Variants in ST7 observed in about 807,000 individuals in gnomAD.
ST7 encodes the protein suppression of tumorigenicity 7.
Under a neutral mutation model 78.7 loss-of-function variants are expected in ST7, and 28 were observed. The observed-to-expected ratio is 0.36, with a 90% CI of 0.26 to 0.49. The LOEUF (loss-of-function observed/expected upper bound fraction) is 0.49, where lower values mean the gene tolerates loss of function less well. Among genes scored for constraint, ST7 ranks in the 20% least tolerant of loss-of-function variants. ST7 has a pLI of 0.99. For synonymous variants in ST7, 247 were observed against 249.6 expected, an observed-to-expected ratio of 0.99 and a Z score of 0.10; for missense variants, 418 against 696.0, an observed-to-expected ratio of 0.60 and a Z score of 4.49.
chr7:117,181,268 C>T (rs905634262), intron 10 of ST7, among the ~76,000 whole-genome samples: 8 of 152,096 alleles, frequency 5.3e-5, no homozygotes, highest in Non-Finnish European at 1.2e-4. Flanking sequence ...CCAGAGGAAG[C>T]TAAAGTCTCC....
At chr7:117,131,325 T>C (rs772390401) in intron 5 of ST7, among the ~76,000 whole-genome samples, 4 of 151,858 alleles carry the variant, frequency 2.6e-5, no homozygotes, top group Non-Finnish European at 4.4e-5. Context: ...AATATTCCCA[T>C]TGAGCTTCCC....
At chr7:117,060,556 A>C (rs1798297131) in intron 1 of ST7, among the ~76,000 whole-genome samples, 1 of 152,254 alleles carries the variant, frequency 6.6e-6, no homozygotes, top group Admixed American at 6.5e-5. Flanking sequence ...GTGTGATTTC[A>C]AGGATAATAA....
chr7:116,998,305 G>A (rs764499565), intron 1 of ST7, among the ~76,000 whole-genome samples: 56 of 152,084 alleles, frequency 3.7e-4, no homozygotes, highest in Non-Finnish European at 7.2e-4. Context: ...GGGGCCCGCC[G>A]AGCCCACACC....
At chr7:117,097,908 A>ATATATATATATATTTTTTTTT in intron 1 of ST7, among the ~76,000 whole-genome samples, 1 of 30,012 alleles carries the variant, frequency 3.3e-5, no homozygotes, top group Non-Finnish European at 5.4e-5. Flanking sequence ...ATATATATAT[A>ATATATATATATATTTTTTTTT]TTTTTTTTTT....
intron 9 of ST7, among the ~76,000 whole-genome samples, chr7:117,141,042 G>A (rs931449106): frequency 6.6e-5 from 10 of 152,134 alleles, no homozygotes; most frequent in Admixed American, 2.6e-4. Flanking sequence ...AGATAACTGC[G>A]ACTTCCCTGA....
At chr7:117,104,080 C>T (rs1439337600) in intron 2 of ST7, among the ~76,000 whole-genome samples, 1 of 152,116 alleles carries the variant, frequency 6.6e-6, no homozygotes, top group Non-Finnish European at 1.5e-5. Context: ...AAGTGATTCT[C>T]CTGCCTCGGC....
At chr7:117,055,823 C>G (rs1798034590) in intron 1 of ST7, among the ~76,000 whole-genome samples, 2 of 152,234 alleles carry the variant, frequency 1.3e-5, no homozygotes, top group South Asian at 2.1e-4. Context: ...CCTAGAGGGA[C>G]AGAACTAATA....
At chr7:116,977,170 T>A (rs1793742220) in intron 1 of ST7, among the ~76,000 whole-genome samples, 1 of 152,240 alleles carries the variant, frequency 6.6e-6, no homozygotes, top group African/African-American at 2.4e-5. Flanking sequence ...AAGGGCCCTG[T>A]TCTAACATTC....
At chr7:117,053,831 C>T (rs755983292) in intron 1 of ST7, among the ~76,000 whole-genome samples, 22 of 143,520 alleles carry the variant, frequency 1.5e-4, no homozygotes, top group Non-Finnish European at 2.7e-4. Flanking sequence ...AAGAACAGAA[C>T]AGAACAGAGG....
At chr7:117,198,772 A>G (rs908710867) in intron 12 of ST7, among the ~76,000 whole-genome samples, 2 of 152,096 alleles carry the variant, frequency 1.3e-5, no homozygotes, top group African/African-American at 2.4e-5. Flanking sequence ...CTAGGCATGC[A>G]TGAGGTTGCC....
At chr7:117,073,807 A>G (rs1799148322) in intron 1 of ST7, 4 of 152,248 alleles carry the variant, frequency 2.6e-5, no homozygotes, top group Admixed American at 2.6e-4. Flanking sequence ...AAATACACAA[A>G]TAAAATACAT....
intron 13 of ST7, among the ~76,000 whole-genome samples, chr7:117,210,758 G>GGTTTTTACATCTCAAA (rs1374355769): frequency 6.6e-6 from 1 of 152,188 alleles, no homozygotes; most frequent in East Asian, 1.9e-4. Flanking sequence ...GGGGCTGTTT[G>GGTTTTTACATCTCAAA]AGAGGATGTA....
chr7:117,146,679 G>T (rs1419047740), intron 9 of ST7, among the ~76,000 whole-genome samples: 2 of 152,128 alleles, frequency 1.3e-5, no homozygotes, highest in African/African-American at 4.8e-5. Context: ...AGCAGAATTT[G>T]CTAATTAATC....
At chr7:117,181,111 G>T (rs1303415557) in intron 10 of ST7, among the ~76,000 whole-genome samples, 1 of 152,020 alleles carries the variant, frequency 6.6e-6, no homozygotes, top group Non-Finnish European at 1.5e-5. Context: ...AAGACTAAAA[G>T]TTGAAATTGC....
chr7:117,115,856 C>T (rs564828198), intron 2 of ST7, among the ~76,000 whole-genome samples: 10 of 152,330 alleles, frequency 6.6e-5, no homozygotes, highest in African/African-American at 2.4e-4. Flanking sequence ...TCTCCTGTTA[C>T]ATCAACCAGG....
chr7:117,152,605 T>A (rs1026948977), intron 9 of ST7, among the ~76,000 whole-genome samples: 3 of 152,160 alleles, frequency 2.0e-5, no homozygotes, highest in Non-Finnish European at 4.4e-5. Flanking sequence ...TTTCTAATAA[T>A]TTCAATAGGT....
intron 1 of ST7, among the ~76,000 whole-genome samples, chr7:117,052,328 T>C (rs1024250392): frequency 6.6e-6 from 1 of 152,194 alleles, no homozygotes; most frequent in African/African-American, 2.4e-5. Context: ...TATGGGGAAC[T>C]AAACAGGTTG....
At chr7:117,143,192 A>G (rs1046354558) in intron 9 of ST7, among the ~76,000 whole-genome samples, 10 of 152,170 alleles carry the variant, frequency 6.6e-5, no homozygotes, top group East Asian at 1.9e-4. Context: ...CCTAAAATCT[A>G]CAGTTCCTTT....
intron 8 of ST7, chr7:117,136,456 A>G (rs1804799247): frequency 1.6e-6 from 1 of 613,944 alleles, no homozygotes; most frequent in Non-Finnish European, 2.8e-6. Context: ...TTTCCTGCCC[A>G]TAGATTCCTA....
Sources: allele counts gnomAD v4.1 joint callset (sites outside exome capture counted in the v4.1 genomes callset), GRCh38; gene constraint gnomAD v4.1.1; transcripts MANE v1.5; gene names NCBI Gene and HGNC (gene_info 2026-07-23, HGNC 2026-07-21).